The following SNTG2 variants were observed in gnomAD, a reference collection of about 807,000 sequenced individuals.
The protein encoded by SNTG2 is syntrophin gamma 2.
Under a neutral mutation model 70.9 loss-of-function variants are expected in SNTG2, and 74 were observed. The observed-to-expected ratio is 1.04, with a 90% CI of 0.86 to 1.27. SNTG2 has a LOEUF of 1.27. SNTG2 is among the 50% of genes most tolerant of loss of function. The pLI is 0.00. For synonymous variants in SNTG2, 278 were observed against 273.8 expected (o/e 1.02, Z -0.15); for missense variants, 717 against 690.7 (o/e 1.04, Z -0.43).
intron 1 of SNTG2, among the ~76,000 whole-genome samples, chr2:1,016,073 T>C (rs1195413865): frequency 6.6e-6 from 1 of 152,170 alleles, no homozygotes; most frequent in African/African-American, 2.4e-5. Context: ...TTAAAATGGA[T>C]TAATTGGGGC....
chr2:1,256,568 A>G (rs1377169146), intron 12 of SNTG2: 2 of 152,198 alleles, frequency 1.3e-5, no homozygotes, highest in East Asian at 1.9e-4. Flanking sequence ...CTAGAGCTAT[A>G]ACTCGTGAAA....
chr2:1,062,118 G>A (rs1237626769), intron 1 of SNTG2, among the ~76,000 whole-genome samples: 1 of 152,148 alleles, frequency 6.6e-6, no homozygotes, highest in Non-Finnish European at 1.5e-5. Flanking sequence ...CCATTTGACT[G>A]AAAATAAAAA....
chr2:1,070,908 G>GC (rs1172411498), intron 1 of SNTG2, among the ~76,000 whole-genome samples: 4 of 152,206 alleles, frequency 2.6e-5, no homozygotes, highest in Non-Finnish European at 5.9e-5. Context: ...ATGAGGGTGT[G>GC]CAGTGCCTGC....
intron 16 of SNTG2, among the ~76,000 whole-genome samples, chr2:1,337,128 C>T (rs990420146): frequency 6.6e-6 from 1 of 152,122 alleles, no homozygotes; most frequent in African/African-American, 2.4e-5. Context: ...TTCTTTGGCT[C>T]TTGTGAATAA....
At chr2:1,173,741 T>G (rs994996224) in intron 8 of SNTG2, among the ~76,000 whole-genome samples, 6 of 151,410 alleles carry the variant, frequency 4.0e-5, no homozygotes, top group Admixed American at 1.3e-4. Flanking sequence ...ACACTCTCCT[T>G]CCTCAGAAGC....
At chr2:1,280,479 C>T (rs761833684) in intron 14 of SNTG2, among the ~76,000 whole-genome samples, 1 of 152,158 alleles carries the variant, frequency 6.6e-6, no homozygotes, top group Non-Finnish European at 1.5e-5. Context: ...AAATACACAA[C>T]AGTTGCACAA....
chr2:1,339,697 A>T (rs1659987443), intron 16 of SNTG2, among the ~76,000 whole-genome samples: 1 of 152,236 alleles, frequency 6.6e-6, no homozygotes, highest in South Asian at 2.1e-4. Flanking sequence ...GATGAATATC[A>T]AGAGGAAAAT....
intron 14 of SNTG2, among the ~76,000 whole-genome samples, chr2:1,276,968 A>T (rs1464748369): frequency 1.3e-5 from 2 of 152,242 alleles, no homozygotes; most frequent in African/African-American, 2.4e-5. Context: ...GAGGACAAAA[A>T]TAAAAGTGAA....
intron 1 of SNTG2, among the ~76,000 whole-genome samples, chr2:1,014,285 T>C (rs75565695): frequency 7.9e-5 from 2 of 25,334 alleles, no homozygotes; most frequent in Non-Finnish European, 8.3e-5. Context: ...GGAGAAGGAT[T>C]TATATGGGCA....
chr2:1,267,275 G>T (rs1336431326), intron 13 of SNTG2, 90 bp from the exon 14 acceptor site: 12 of 1,247,024 alleles, frequency 9.6e-6, no homozygotes, highest in Non-Finnish European at 1.4e-5. Context: ...CCCAGATCAC[G>T]CAAACGCTGC....
At chr2:1,181,469 A>C (rs1379614278) in intron 8 of SNTG2, among the ~76,000 whole-genome samples, 1 of 152,202 alleles carries the variant, frequency 6.6e-6, no homozygotes, top group Admixed American at 6.5e-5. Flanking sequence ...CTGATGGAGC[A>C]AAAAGCAAAG....
intron 1 of SNTG2, among the ~76,000 whole-genome samples, chr2:970,705 T>C (rs1186163409): frequency 2.0e-5 from 3 of 148,864 alleles, no homozygotes; most frequent in Non-Finnish European, 4.4e-5. Context: ...TCTTTGCTAT[T>C]GTGAATAATG....
intron 16 of SNTG2, among the ~76,000 whole-genome samples, chr2:1,367,026 T>A (rs1036732087): frequency 1.3e-5 from 2 of 152,220 alleles, no homozygotes; most frequent in African/African-American, 4.8e-5. Context: ...GGGGTCTGAC[T>A]TAATCAAGAC....
rs115566399 is a variant in SNTG2 at position 1,087,786 on chromosome 2, T to G, written c.210+4131T>G. ...GAAAATCATTTTTAAAATGTAGGTG[T>G]ATTGCTTCTATAACAACCAACGTGA... On this transcript the variant is annotated intron_variant, in intron 2 of 16. Coordinates refer to ENST00000308624, the MANE Select transcript of SNTG2 (RefSeq NM_018968.4). Among the ~76,000 whole-genome samples the G allele has an allele frequency of 4.5e-3, 686 of 152,340 alleles. 7 individuals are homozygous for G. Among genetic ancestry groups the G allele is most frequent in the African/African-American group, 0.016 (649 of 41,586 alleles).
At chr2:1,352,742 C>T (rs1015986419) in intron 16 of SNTG2, among the ~76,000 whole-genome samples, 3 of 152,220 alleles carry the variant, frequency 2.0e-5, no homozygotes, top group African/African-American at 7.2e-5. Flanking sequence ...TCTTGCAACA[C>T]ATTGGCCTTG....
chr2:1,027,609 C>T (rs1304015709), intron 1 of SNTG2, among the ~76,000 whole-genome samples: 2 of 149,660 alleles, frequency 1.3e-5, no homozygotes, highest in East Asian at 4.0e-4. Context: ...CCCACAGACA[C>T]TACCCAGCAA....
intron 7 of SNTG2, among the ~76,000 whole-genome samples, chr2:1,166,126 A>G (rs956344348): frequency 1.5e-4 from 23 of 152,198 alleles, no homozygotes; most frequent in African/African-American, 5.1e-4. Flanking sequence ...ATCTAGAAAA[A>G]TGTTTTAGTG....
At chr2:1,270,112 G>A (rs36177722) in intron 14 of SNTG2, among the ~76,000 whole-genome samples, 32,365 of 152,000 alleles carry the variant, frequency 0.21, 4,750 homozygotes, top group African/African-American at 0.41. Context: ...CCCAATTTAC[G>A]CCTCACTCAG....
At chr2:1,149,620 G>A (rs1669331486) in intron 6 of SNTG2, among the ~76,000 whole-genome samples, 1 of 151,678 alleles carries the variant, frequency 6.6e-6, no homozygotes, top group Admixed American at 6.6e-5. Flanking sequence ...TCTAGGTTCA[G>A]GTGGTAACAT....
Sources: allele counts gnomAD v4.1 joint callset (sites outside exome capture counted in the v4.1 genomes callset), GRCh38; gene constraint gnomAD v4.1.1; transcripts MANE v1.5; gene names NCBI Gene and HGNC (gene_info 2026-07-23, HGNC 2026-07-21).